Variants in KCNIP4 observed in about 807,000 individuals in gnomAD.
KCNIP4 encodes the protein Kv channel-interacting protein 4.
A neutral mutation model predicts 34.0 loss-of-function variants in KCNIP4; 12 were observed. The observed-to-expected ratio is 0.35, with a 90% CI of 0.23 to 0.57. KCNIP4 has a LOEUF of 0.57. Among genes scored for constraint, KCNIP4 ranks in the 20% least tolerant of loss-of-function variants. The pLI, the probability that KCNIP4 is intolerant of heterozygous loss-of-function variation, is 0.83. For missense variants in KCNIP4, 238 were observed against 311.7 expected, an observed-to-expected ratio of 0.76 and a Z score of 1.78; for synonymous variants, 124 against 102.2, an observed-to-expected ratio of 1.21 and a Z score of -1.29.
chr4:20,976,634 T>C (rs922218014), intron 1 of KCNIP4, among the ~76,000 whole-genome samples: 4 of 152,092 alleles, frequency 2.6e-5, no homozygotes, highest in African/African-American at 9.7e-5. Context: ...TCCCTTATTA[T>C]GTGAGAGAAG....
At chr4:21,930,998 C>T (rs536072675) in intron 1 of KCNIP4, among the ~76,000 whole-genome samples, 2 of 152,250 alleles carry the variant, frequency 1.3e-5, no homozygotes, top group East Asian at 1.9e-4. Context: ...AAACTCTAAA[C>T]TCATGGAGTC....
At chr4:21,420,293 C>T (rs1725337994) in intron 1 of KCNIP4, among the ~76,000 whole-genome samples, 1 of 152,164 alleles carries the variant, frequency 6.6e-6, no homozygotes, top group Non-Finnish European at 1.5e-5. Flanking sequence ...CTACATTTCT[C>T]CCCCTCCCAC....
intron 1 of KCNIP4, among the ~76,000 whole-genome samples, chr4:20,924,612 C>A (rs1729720132): frequency 6.6e-6 from 1 of 152,112 alleles, no homozygotes; most frequent in Non-Finnish European, 1.5e-5. Context: ...GTTTCTAAGC[C>A]TCTGTAAACT....
chr4:20,793,629 TTTTGGGATGATTCAA>T (rs1201924898), intron 3 of KCNIP4, among the ~76,000 whole-genome samples: 16 of 152,122 alleles, frequency 1.1e-4, no homozygotes, highest in South Asian at 6.2e-4. Context: ...GGTGGGATGC[TTTTGGGATGATTCAA>T]CCACATTACA....
chr4:20,752,959 A>G (rs1448141800), intron 4 of KCNIP4: 5 of 152,340 alleles, frequency 3.3e-5, no homozygotes, highest in Non-Finnish European at 2.9e-5. Context: ...AGATATAACA[A>G]TGATCTCCCT....
intron 1 of KCNIP4, among the ~76,000 whole-genome samples, chr4:21,073,154 TTAAAG>T (rs1745138193): frequency 6.6e-6 from 1 of 152,150 alleles, no homozygotes; most frequent in Non-Finnish European, 1.5e-5. Flanking sequence ...CATATGAACT[TTAAAG>T]TAGTTTTTTC....
intron 1 of KCNIP4, among the ~76,000 whole-genome samples, chr4:21,576,012 C>G (rs982339761): frequency 3.9e-5 from 6 of 152,086 alleles, no homozygotes; most frequent in African/African-American, 1.4e-4. Context: ...CTTCTTAGGG[C>G]TCACAGGTGA....
intron 1 of KCNIP4, among the ~76,000 whole-genome samples, chr4:21,770,116 C>A (rs1718680389): frequency 6.6e-6 from 1 of 152,056 alleles, no homozygotes; most frequent in Non-Finnish European, 1.5e-5. Flanking sequence ...AGTTCCCTCC[C>A]CTCACCCCCT....
intron 1 of KCNIP4, among the ~76,000 whole-genome samples, chr4:21,655,390 C>A (rs1233368943): frequency 6.6e-6 from 1 of 151,940 alleles, no homozygotes; most frequent in African/African-American, 2.4e-5. Context: ...AAACTGCCAA[C>A]ACATTTTACA....
intron 1 of KCNIP4, among the ~76,000 whole-genome samples, chr4:21,187,935 A>G (rs1054968420): frequency 1.8e-4 from 28 of 152,272 alleles, no homozygotes; most frequent in African/African-American, 6.5e-4. Context: ...AAAGTCACTC[A>G]ATTTTTCTGA....
intron 1 of KCNIP4, among the ~76,000 whole-genome samples, chr4:21,067,109 A>G (rs1744470020): frequency 1.3e-5 from 2 of 152,170 alleles, no homozygotes; most frequent in African/African-American, 2.4e-5. Flanking sequence ...GCCCCATTCC[A>G]GGCCTTAGCA....
chr4:21,831,138 T>C (rs991093466), intron 1 of KCNIP4, among the ~76,000 whole-genome samples: 1 of 152,086 alleles, frequency 6.6e-6, no homozygotes, highest in Admixed American at 6.6e-5. Flanking sequence ...ATACAAAAAC[T>C]TCTGGGATGC....
intron 1 of KCNIP4, among the ~76,000 whole-genome samples, chr4:21,688,468 T>C (rs1750983184): frequency 6.6e-6 from 1 of 152,142 alleles, no homozygotes; most frequent in South Asian, 2.1e-4. Flanking sequence ...GAGATAAAAC[T>C]TGAACACCTG....
chr4:21,022,086 T>C (rs974582711), intron 1 of KCNIP4, among the ~76,000 whole-genome samples: 2 of 152,064 alleles, frequency 1.3e-5, no homozygotes, highest in African/African-American at 4.8e-5. Context: ...GTGATAGTAA[T>C]ATTTCAGCTC....
chr4:21,024,895 C>T (rs2149753827), intron 1 of KCNIP4, among the ~76,000 whole-genome samples: 1 of 152,260 alleles, frequency 6.6e-6, no homozygotes, highest in East Asian at 1.9e-4. Flanking sequence ...TCCAACCCTT[C>T]ATCAAATTTT....
At chr4:21,187,250 A>T (rs1755301857) in intron 1 of KCNIP4, among the ~76,000 whole-genome samples, 1 of 152,206 alleles carries the variant, frequency 6.6e-6, no homozygotes, top group South Asian at 2.1e-4. Flanking sequence ...CTGCTATTTT[A>T]TATGTATACT....
Position 20,782,455 on chromosome 4 carries a change from A to G in KCNIP4, c.289-23565T>C, listed in dbSNP as rs543827198. On this transcript the variant is annotated intron_variant, in intron 3 of 8. Coordinates refer to ENST00000382152, the MANE Select transcript of KCNIP4 (RefSeq NM_025221.6). ...TCTGCCTGGACATCCAGGCATTTCC[A>G]TACATCTTCTGAAATCTAGACAGAG... 6.6e-5 allele frequency among the ~76,000 whole-genome samples: 10 copies of G among 152,228 alleles called. No homozygotes were observed. In the South Asian group the frequency reaches 8.3e-4, roughly 13 times the overall value.
At chr4:20,772,744 C>T (rs932882195) in intron 3 of KCNIP4, among the ~76,000 whole-genome samples, 3 of 151,848 alleles carry the variant, frequency 2.0e-5, no homozygotes, top group East Asian at 1.9e-4. Flanking sequence ...TAGGTTCAAG[C>T]GATTCTTCAG....
At chr4:20,837,686 A>ATATATTTTTT (rs1350419753) in intron 3 of KCNIP4, among the ~76,000 whole-genome samples, 13 of 117,398 alleles carry the variant, frequency 1.1e-4, no homozygotes, top group African/African-American at 4.4e-4. Context: ...ATATATATAT[A>ATATATTTTTT]TTTTTTTTTC....
Sources: allele counts gnomAD v4.1 joint callset (sites outside exome capture counted in the v4.1 genomes callset), GRCh38; gene constraint gnomAD v4.1.1; transcripts MANE v1.5; gene names NCBI Gene and HGNC (gene_info 2026-07-23, HGNC 2026-07-21).